MDN1: variants seen among roughly 807,000 people sequenced by gnomAD.
The protein encoded by MDN1 is midasin AAA ATPase 1, also known as midasin.
MDN1 carries 266 observed loss-of-function variants against 669.2 expected under a neutral mutation model. The observed-to-expected ratio is 0.40, with a 90% CI of 0.36 to 0.44. The LOEUF is 0.44. Among genes scored for constraint, MDN1 ranks in the 20% least tolerant of loss-of-function variants. The probability of loss-of-function intolerance (pLI) is 1.00; values close to 1 mark genes in which losing one functional copy is unlikely to be tolerated. For synonymous variants in MDN1, 2,385 were observed against 2,457.1 expected, an observed-to-expected ratio of 0.97 and a Z score of 0.87; for missense variants, 5,940 against 6,754.0, an observed-to-expected ratio of 0.88 and a Z score of 4.22.
rs771734970 is a variant in MDN1 at position 89,751,424 on chromosome 6, C to A, written c.3227+7G>T. 1.4e-5 allele frequency: 22 copies of A among 1,614,070 alleles called. No individual in the cohort carries two copies. The highest frequency in any genetic ancestry group is 1.7e-5 in the Non-Finnish European group (20 of 1,180,010). On this transcript the variant is annotated splice_region_variant and intron_variant, in intron 23 of 101. Coordinates refer to ENST00000369393, the MANE Select transcript of MDN1 (RefSeq NM_014611.3). ...AGTTCGGGGCAGCGAGAAAAAAGCC[C>A]ACACACCCTGCAGAGACAACTCGGA... is the stretch of plus-strand genomic sequence containing the variant.
Position 89,747,819 on chromosome 6 carries a change from AG to A in MDN1, c.3763-350del, listed in dbSNP as rs1424159990. Reference sequence around the variant, plus strand: ...GGGAGGAGAACCGCATGAACCCGGGAGGGGGAGCTTGCAGTGAGCCGAGACT... The same window carrying A: ...GGGAGGAGAACCGCATGAACCCGGGAGGGGAGCTTGCAGTGAGCCGAGACT... On this transcript the variant is annotated intron_variant, in intron 26 of 101. Coordinates refer to ENST00000369393, the MANE Select transcript of MDN1 (RefSeq NM_014611.3). Among the ~76,000 whole-genome samples the A allele has an allele frequency of 2.3e-5, 3 of 132,030 alleles. 1 individual carries two copies. The highest frequency in any genetic ancestry group is 1.8e-4 in the Admixed American group (2 of 11,100). 86.6% of individuals were successfully genotyped at this position (132,030 alleles called of 152,430 possible). A position where few individuals can be genotyped will look rare whatever the true frequency, so the allele number is the denominator to read the frequency against.
intron 64 of MDN1, 78 bp downstream of exon 64, chr6:89,690,595 G>A: frequency 6.5e-7 from 1 of 1,526,796 alleles, no homozygotes; most frequent in Non-Finnish European, 9.0e-7. Context: ...TAAAGAGGAA[G>A]AGAGAAAGCC....
At chr6:89,756,920 C>CA (rs1003724888) in intron 19 of MDN1, among the ~76,000 whole-genome samples, 185 of 104,656 alleles carry the variant, frequency 1.8e-3, no homozygotes, top group Admixed American at 5.6e-3. Flanking sequence ...GACTCCATCT[C>CA]AAAAAAAAAA....
rs1584225778 is a variant in MDN1 at position 89,701,663 on chromosome 6, A to C, written c.8322T>G (p.Val2774=). Residue 2774 remains valine, a synonymous_variant, in exon 55 of 102, where the codon GTT becomes GTG. Coordinates refer to ENST00000369393, the MANE Select transcript of MDN1 (RefSeq NM_014611.3). The stretch of plus-strand genomic sequence containing the variant: ...TCTGAATATGTTCTGAGACAGTCTG[A>C]ACTTCTTTGTAATATCTTTAAAGGA... ...MNYEDKYYKE[V]QTVSEHIQNC... 1 of 1,613,890 alleles carries C rather than the reference A, an allele frequency of 6.2e-7. No homozygotes were observed. The highest frequency in any genetic ancestry group is 8.5e-7 in the Non-Finnish European group (1 of 1,179,922).
chr6:89,747,008 G>A (rs1202463934), intron 27 of MDN1, among the ~76,000 whole-genome samples: 2 of 152,138 alleles, frequency 1.3e-5, no homozygotes, highest in African/African-American at 4.8e-5. Flanking sequence ...GACTACCTGT[G>A]GTGACACTGC....
intron 85 of MDN1, 130 bp from the exon 86 acceptor site, chr6:89,663,097 A>T: frequency 1.0e-6 from 1 of 965,794 alleles, no homozygotes; most frequent in Non-Finnish European, 1.6e-6. Context: ...TACAGAACAC[A>T]CCCTACGGGC....
intron 15 of MDN1, among the ~76,000 whole-genome samples, chr6:89,765,889 CAG>C (rs1475271677): frequency 6.6e-6 from 1 of 152,192 alleles, no homozygotes; most frequent in Non-Finnish European, 1.5e-5. Context: ...ATGACTGCCA[CAG>C]AGAGTTAATA....
rs367662023 is a variant in MDN1 at position 89,684,896 on chromosome 6, G to C, written c.11809C>G (p.Pro3937Ala). 1 of 1,606,664 alleles carries C rather than the reference G, an allele frequency of 6.2e-7. No homozygotes were observed. Among genetic ancestry groups the C allele is most frequent in the Admixed American group, 1.7e-5 (1 of 59,916 alleles). The change falls in exon 71 of 102, where the codon CCC (proline) becomes GCC (alanine). Residue 3937 changes from proline to alanine, a missense_variant. Around this residue, in one of 5 missense-constraint regions of MDN1, gnomAD observed 2,280 missense variants for 2,576.3 expected, o/e 0.88. Transcript: ENST00000369393. The part of the protein sequence containing the change: ...VQAKIVELRS[P>A]LEKELKEFVK... ...CTTACTTTAAGTTCTTTTTCTAGGGGGGAACGAAGTTCCACAATTTTGGCC... is the reference window on the plus strand; with the variant it reads ...CTTACTTTAAGTTCTTTTTCTAGGGCGGAACGAAGTTCCACAATTTTGGCC...
chr6:89,723,700 G>A, intron 38 of MDN1, 81 bp from the exon 39 acceptor site: 9 of 715,102 alleles, frequency 1.3e-5, no homozygotes, highest in Middle Eastern at 2.5e-4. Context: ...GTCTTATTAT[G>A]CAAAATCTTT....
chr6:89,675,903 G>A, intron 77 of MDN1, 199 bp downstream of exon 77: 1 of 562,156 alleles, frequency 1.8e-6, no homozygotes, highest in South Asian at 2.6e-5. Flanking sequence ...GCTGGCAAGT[G>A]TAACTGAATT....
At chr6:89,812,115 A>G (rs1037347992) in intron 1 of MDN1, among the ~76,000 whole-genome samples, 3 of 151,572 alleles carry the variant, frequency 2.0e-5, no homozygotes, top group Non-Finnish European at 4.4e-5. Context: ...CCTCCCGAGT[A>G]GCTGGGATTA....
intron 7 of MDN1, among the ~76,000 whole-genome samples, chr6:89,789,368 C>T (rs1819135026): frequency 1.3e-5 from 2 of 152,286 alleles, no homozygotes; most frequent in Admixed American, 6.5e-5. Flanking sequence ...TCCTCCTTCA[C>T]CTGTCCTCAG....
chr6:89,653,225 C>G, intron 93 of MDN1, 70 bp from the exon 94 acceptor site: 3 of 1,390,006 alleles, frequency 2.2e-6, no homozygotes, highest in Non-Finnish European at 3.0e-6. Context: ...TTTGCTATTG[C>G]CTGTTAATCC....
chr6:89,672,490 T>C, intron 81 of MDN1, 57 bp downstream of exon 81: 1 of 1,597,514 alleles, frequency 6.3e-7, no homozygotes. Flanking sequence ...AAATAAATCA[T>C]CAAATACAAA....
chr6:89,743,068 G>A, intron 31 of MDN1, 82 bp downstream of exon 31: 1 of 1,533,658 alleles, frequency 6.5e-7, no homozygotes. Flanking sequence ...GGGTGACAGA[G>A]TGAGAACACT....
Position 89,695,062 on chromosome 6 carries a change from G to C in MDN1, c.9771+543C>G, listed in dbSNP as rs140574765. On this transcript the variant is annotated intron_variant, in intron 61 of 101. Coordinates refer to ENST00000369393, the MANE Select transcript of MDN1 (RefSeq NM_014611.3). This position sits in a 1 kb window ranked among gnomAD's most constrained non-coding sequence, Gnocchi z 4.1. The stretch of plus-strand genomic sequence containing the variant: ...AGCCTGGCCAAGATGGTGAAACCCT[G>C]TCTCTACTAAAAATACAAAAATTAG... 8.0e-3 allele frequency among the ~76,000 whole-genome samples: 1,211 copies of C among 152,188 alleles called. 18 individuals carry two copies. Among genetic ancestry groups the C allele is most frequent in the African/African-American group, 0.028 (1,162 of 41,534 alleles).
intron 26 of MDN1, among the ~76,000 whole-genome samples, chr6:89,748,283 GC>G (rs1816768573): frequency 6.6e-6 from 1 of 152,142 alleles, no homozygotes; most frequent in South Asian, 2.1e-4. Context: ...CTGAGATAGC[GC>G]CACTGCACTC....
At chr6:89,754,337 T>C (rs2128319443) in intron 20 of MDN1, 107 bp from the exon 21 acceptor site, 1 of 1,130,230 alleles carries the variant, frequency 8.8e-7, no homozygotes, top group East Asian at 2.6e-5. Flanking sequence ...GAAATGATCA[T>C]GCACACAACT....
At chr6:89,802,422 C>T (rs1358379976) in intron 2 of MDN1, among the ~76,000 whole-genome samples, 2 of 152,228 alleles carry the variant, frequency 1.3e-5, no homozygotes, top group East Asian at 1.9e-4. Flanking sequence ...CAGTGGCTCA[C>T]GCCTGTAATC....
Sources: allele counts gnomAD v4.1 joint callset (sites outside exome capture counted in the v4.1 genomes callset), GRCh38; gene constraint gnomAD v4.1.1; regional missense constraint gnomAD v4.1.1; non-coding constraint Gnocchi (gnomAD v3.1); transcripts MANE v1.5; gene names NCBI Gene and HGNC (gene_info 2026-07-23, HGNC 2026-07-21).